Variants in SNRK observed in about 807,000 individuals in gnomAD.
SNRK encodes SNF related kinase.
Under a neutral mutation model 48.2 loss-of-function variants are expected in SNRK, and 3 were observed. That is an observed-to-expected ratio of 0.06 (90% CI 0.03 to 0.16). The LOEUF is 0.16. Ranked by LOEUF, SNRK falls within the 10% of genes least tolerant of loss-of-function variation. SNRK has a pLI of 1.00. For synonymous variants in SNRK, 376 were observed against 366.1 expected, an observed-to-expected ratio of 1.03 and a Z score of -0.31; for missense variants, 627 against 976.0, an observed-to-expected ratio of 0.64 and a Z score of 4.76.
intron 3 of SNRK, among the ~76,000 whole-genome samples, chr3:43,323,769 A>G (rs1019081505): frequency 1.6e-5 from 2 of 124,496 alleles, no homozygotes; most frequent in African/African-American, 5.1e-5. Context: ...ATTGATGTGT[A>G]CAACAACATG....
chr3:43,310,047 T>A (rs568843064), intron 3 of SNRK, among the ~76,000 whole-genome samples: 39 of 152,308 alleles, frequency 2.6e-4, no homozygotes, highest in African/African-American at 8.9e-4. Flanking sequence ...AAAATTTGTG[T>A]GTCTCGCTGT....
intron 3 of SNRK, among the ~76,000 whole-genome samples, chr3:43,304,858 G>A (rs2125621187): frequency 6.6e-6 from 1 of 152,086 alleles, no homozygotes; most frequent in Non-Finnish European, 1.5e-5. Flanking sequence ...GGAAAAGAAA[G>A]GGTTAATGAG....
At chr3:43,315,434 G>A (rs762599352) in intron 3 of SNRK, among the ~76,000 whole-genome samples, 2 of 152,220 alleles carry the variant, frequency 1.3e-5, no homozygotes, top group African/African-American at 2.4e-5. Flanking sequence ...TTTTAGTAAC[G>A]TTTCAGTTTT....
At chr3:43,289,626 TG>T (rs2090794404) in intron 1 of SNRK, 1 of 152,796 alleles carries the variant, frequency 6.5e-6, no homozygotes, top group Admixed American at 6.5e-5. Flanking sequence ...CTTTGGGTTG[TG>T]GCTCTGTGTC....
At chr3:43,345,090 A>G (rs1413559409) in intron 6 of SNRK, among the ~76,000 whole-genome samples, 1 of 152,178 alleles carries the variant, frequency 6.6e-6, no homozygotes, top group Non-Finnish European at 1.5e-5. Context: ...CCCTGTCTCT[A>G]TAAAAATTAA....
At chr3:43,337,122 C>T (rs1010637180) in intron 4 of SNRK, among the ~76,000 whole-genome samples, 8 of 151,092 alleles carry the variant, frequency 5.3e-5, no homozygotes, top group Admixed American at 3.3e-4. Flanking sequence ...CGCCCAGGCT[C>T]GAGTGCAGTG....
chr3:43,333,795 A>G (rs1365515023), intron 4 of SNRK, among the ~76,000 whole-genome samples: 1 of 152,210 alleles, frequency 6.6e-6, no homozygotes, highest in Non-Finnish European at 1.5e-5. Context: ...CTTAAGAAAT[A>G]GAACAGTTCC....
At chr3:43,319,252 T>TAA (rs951083873) in intron 3 of SNRK, among the ~76,000 whole-genome samples, 1 of 152,186 alleles carries the variant, frequency 6.6e-6, no homozygotes, top group Non-Finnish European at 1.5e-5. Context: ...TAGTGTAGTG[T>TAA]AAACAGTGCC....
intron 4 of SNRK, among the ~76,000 whole-genome samples, chr3:43,337,296 A>T (rs997190948): frequency 2.0e-5 from 3 of 147,880 alleles, no homozygotes; most frequent in Non-Finnish European, 4.5e-5. Flanking sequence ...CTGGTCTCGA[A>T]CTCCTTAGCT....
Position 43,313,406 on chromosome 3 carries a change from A to G in SNRK, c.589+9614A>G, listed in dbSNP as rs539616823. ...ATAAAAAGGAATAAACTATTGATAC[A>G]ACAACTTGGATGGATTTCAAGGGGC... On this transcript the variant is annotated intron_variant, in intron 3 of 6. Transcript: ENST00000296088. Among the ~76,000 whole-genome samples, 6 of 152,362 alleles carry G rather than the reference A, an allele frequency of 3.9e-5. No homozygotes were observed. In the East Asian group the frequency reaches 1.2e-3, roughly 29 times the overall value.
chr3:43,321,864 T>C (rs549000225), intron 3 of SNRK, among the ~76,000 whole-genome samples: 1 of 152,314 alleles, frequency 6.6e-6, no homozygotes, highest in South Asian at 2.1e-4. Flanking sequence ...GCCAGGTGGT[T>C]GTTACTTTCT....
rs1361700140 is a variant in SNRK at position 43,342,065 on chromosome 3, T to C, written c.945-1279T>C. ...AAATGATTTTTCACTTTTGAGTGGG[T>C]AAAAGGCTGTTTGTATCTCTCTGAA... On this transcript the variant is annotated intron_variant, in intron 5 of 6. Coordinates refer to ENST00000296088, the MANE Select transcript of SNRK (RefSeq NM_017719.5). Among the ~76,000 whole-genome samples the C allele has an allele frequency of 3.9e-5, 6 of 152,232 alleles. 1 individual carries two copies. The highest frequency in any genetic ancestry group is 7.3e-5 in the Non-Finnish European group (5 of 68,040).
intron 1 of SNRK, among the ~76,000 whole-genome samples, chr3:43,298,684 G>A (rs548003892): frequency 1.1e-4 from 16 of 152,322 alleles, no homozygotes; most frequent in Admixed American, 3.3e-4. Context: ...TTGGCATAAT[G>A]TGAATGTTTA....
chr3:43,307,526 T>C (rs77121015), intron 3 of SNRK, among the ~76,000 whole-genome samples: 1,766 of 152,342 alleles, frequency 0.012, 19 homozygotes, highest in African/African-American at 0.027. Context: ...TTTTAAACTT[T>C]GTCATTATTT....
At chr3:43,324,628 T>G (rs1223689629) in intron 3 of SNRK, among the ~76,000 whole-genome samples, 1 of 152,198 alleles carries the variant, frequency 6.6e-6, no homozygotes, top group African/African-American at 2.4e-5. Flanking sequence ...TTGAGAGAAC[T>G]TTTCTAAACT....
intron 5 of SNRK, 146 bp from the exon 6 acceptor site, chr3:43,343,198 G>GTT: frequency 9.1e-7 from 1 of 1,102,368 alleles, no homozygotes; most frequent in Non-Finnish European, 1.2e-6. Flanking sequence ...TACTAGTTTG[G>GTT]TTTTTTTCTG....
intron 4 of SNRK, among the ~76,000 whole-genome samples, chr3:43,337,421 A>AT (rs2091199975): frequency 6.6e-6 from 1 of 151,662 alleles, no homozygotes; most frequent in African/African-American, 2.4e-5. Context: ...GCTTATTCTT[A>AT]TTTTTTGGAG....
chr3:43,310,885 C>T (rs930522411), intron 3 of SNRK, among the ~76,000 whole-genome samples: 80 of 152,254 alleles, frequency 5.3e-4, no homozygotes, highest in African/African-American at 1.8e-3. Flanking sequence ...GCTGCTGCTT[C>T]TGTTTGATGA....
At position 43,337,080 on chromosome 3, in the gene SNRK, T is replaced by C. The variant is rs528918782; in HGVS notation, c.732-3207T>C. Among the ~76,000 whole-genome samples, 104 of 151,202 alleles carry C rather than the reference T, an allele frequency of 6.9e-4. 1 individual carries two copies. The highest frequency in any genetic ancestry group is 2.4e-3 in the African/African-American group (97 of 41,096). ...TATACATGTTTTTATACCTTTTTTT[T>C]CTATTTTTTTTGAGGTGGAGTCTCG... On this transcript the variant is annotated intron_variant, in intron 4 of 6. Coordinates refer to ENST00000296088, the MANE Select transcript of SNRK (RefSeq NM_017719.5).
Sources: gnomAD v4.1 joint callset for allele counts (sites outside exome capture counted in the v4.1 genomes callset) on GRCh38, gnomAD v4.1.1 for gene constraint, MANE v1.5 for transcripts, NCBI Gene and HGNC (gene_info 2026-07-23, HGNC 2026-07-21) for gene names.